Variants in SAMD11 observed in about 807,000 individuals in gnomAD.
SAMD11 encodes sterile alpha motif domain-containing protein 11.
In SAMD11, 77 loss-of-function variants were observed where a neutral mutation model predicts 64.4. That is an observed-to-expected ratio of 1.20 (90% CI 0.99 to 1.44). The LOEUF (loss-of-function observed/expected upper bound fraction) is 1.44. Ranked by LOEUF, SAMD11 falls within the 40% of genes most tolerant of loss-of-function variation. The pLI is 0.00. For synonymous variants in SAMD11, 658 were observed against 421.9 expected (o/e 1.56, Z -6.86); for missense variants, 1,402 against 943.3 (o/e 1.49, Z -6.37).
Position 942,171 on chromosome 1 carries a change from A to G in SAMD11, c.1394A>G (p.Gln465Arg). ...CAGCCGCCCCCCTTGCTGTCGCCGC[A>G]GAATGCCCCTCACGTCGCCCTGGGC... ...LPQPPPLLSP[Q>R]NAPHVALGPH... The change falls in exon 9 of 14, where the codon CAG becomes CGG. Residue 465 changes from glutamine (Q) to arginine (R), a missense_variant. Transcript: ENST00000616016. 7.0e-7 allele frequency: 1 copy of G among 1,436,424 alleles called. No individual in the cohort carries two copies. The highest frequency in any genetic ancestry group is 1.4e-5 in the South Asian group (1 of 70,378). 89.0% of individuals were successfully genotyped at this position (1,436,424 alleles called of 1,614,324 possible).
chr1:940,011 T>G (rs888292666), intron 7 of SAMD11, among the ~76,000 whole-genome samples: 4 of 152,052 alleles, frequency 2.6e-5, no homozygotes, highest in Non-Finnish European at 5.9e-5. Context: ...CCCTGCCCGC[T>G]GCACTCAGCC....
In SAMD11 at chr1:943,904, G is replaced by C; in HGVS notation, c.2290-4G>C. 1 of 1,612,886 alleles carries C rather than the reference G, an allele frequency of 6.2e-7. No homozygotes were observed. Among genetic ancestry groups the C allele is most frequent in the East Asian group, 2.2e-5 (1 of 44,872 alleles). On this transcript the variant is annotated splice_polypyrimidine_tract_variant and splice_region_variant and intron_variant, in intron 13 of 13. Transcript: ENST00000616016. ...ACAGCCCCCACCAGGCCATCTCTCTGCAGGTGGCCAGGCGCCTGGGCCGAG... is the reference window on the plus strand; with the variant it reads ...ACAGCCCCCACCAGGCCATCTCTCTCCAGGTGGCCAGGCGCCTGGGCCGAG...
intron 2 of SAMD11, among the ~76,000 whole-genome samples, chr1:926,467 T>A (rs1256190594): frequency 6.6e-6 from 1 of 152,184 alleles, no homozygotes; most frequent in East Asian, 1.9e-4. Context: ...GTGACTTGTG[T>A]CTCTGGGTGC....
At position 929,962 on chromosome 1, in the gene SAMD11, C is replaced by T. The variant is rs557254929; in HGVS notation, c.610-193C>T. Among the ~76,000 whole-genome samples the T allele has an allele frequency of 2.4e-3, 358 of 152,286 alleles. 2 individuals carry two copies. The highest frequency in any genetic ancestry group is 8.2e-3 in the African/African-American group (339 of 41,558). On this transcript the variant is annotated intron_variant, in intron 2 of 13. Coordinates refer to ENST00000616016, the MANE Select transcript of SAMD11 (RefSeq NM_001385641.1). ...AGCTGTGGCTCCTGCTGGCCCCAGG[C>T]GCATCCCAGAGGCAGGTAGAGGGAG...
intron 1 of SAMD11, chr1:925,702 G>C (rs545783903): frequency 4.6e-5 from 23 of 502,688 alleles, no homozygotes; most frequent in African/African-American, 3.7e-4. Flanking sequence ...CCCTTCGTCG[G>C]GGGAGGGCGC....
intron 4 of SAMD11, among the ~76,000 whole-genome samples, chr1:932,929 G>T (rs1234272096): frequency 6.6e-6 from 1 of 152,246 alleles, no homozygotes; most frequent in Non-Finnish European, 1.5e-5. Flanking sequence ...ATGGGCAAGG[G>T]CTAGGCCGTG....
intron 2 of SAMD11, among the ~76,000 whole-genome samples, chr1:929,650 C>CCACCAG (rs777708002): frequency 2.9e-4 from 44 of 152,214 alleles, no homozygotes; most frequent in Admixed American, 6.5e-4. Context: ...GAGTGCACGT[C>CCACCAG]CACCAGCACC....
intron 5 of SAMD11, among the ~76,000 whole-genome samples, chr1:936,809 T>G (rs145648887): frequency 6.6e-6 from 1 of 152,128 alleles, no homozygotes; most frequent in Non-Finnish European, 1.5e-5. Context: ...TGGAGACAGC[T>G]GAGAGGCGGT....
intron 4 of SAMD11, among the ~76,000 whole-genome samples, chr1:932,033 C>T (rs576550858): frequency 1.7e-4 from 26 of 152,348 alleles, no homozygotes; most frequent in South Asian, 1.0e-3. Flanking sequence ...CGTGTCTTGG[C>T]TCCACGCCAG....
At chr1:941,555 A>C (rs529125737) in intron 8 of SAMD11, among the ~76,000 whole-genome samples, 2 of 152,058 alleles carry the variant, frequency 1.3e-5, no homozygotes, top group Non-Finnish European at 2.9e-5. Context: ...GGAGAGCTCC[A>C]AGTCTGGAAC....
chr1:942,011 C>A (rs1641801299), intron 8 of SAMD11, 125 bp from the exon 9 acceptor site: 2 of 410,312 alleles, frequency 4.9e-6, no homozygotes, highest in South Asian at 6.5e-5. Flanking sequence ...GACCTGGGGC[C>A]GTAACGAGCT....
chr1:941,897 C>T (rs896623709), intron 8 of SAMD11, among the ~76,000 whole-genome samples: 2 of 152,060 alleles, frequency 1.3e-5, no homozygotes, highest in Admixed American at 1.3e-4. Flanking sequence ...GGCCGGCGCC[C>T]CGCGCAGTAA....
At chr1:926,080 C>G in intron 2 of SAMD11, 67 bp downstream of exon 2, 1 of 1,473,372 alleles carries the variant, frequency 6.8e-7, no homozygotes, top group Non-Finnish European at 9.4e-7. Context: ...CTGCGGTTTT[C>G]AGGGTTTTCA....
intron 4 of SAMD11, among the ~76,000 whole-genome samples, chr1:934,020 T>TCC (rs1411935233): frequency 5.4e-5 from 7 of 129,090 alleles, no homozygotes; most frequent in African/African-American, 2.1e-4. Context: ...GGGAGGCGGC[T>TCC]GCGTTACAGG....
chr1:942,100 C>T lies in SAMD11; in HGVS notation c.1359-36C>T, dbSNP rs1464077238. The stretch of plus-strand genomic sequence containing the variant: ...GCCGGGGCCTTTACGGGAACGGGGG[C>T]GGGGGGGACGCCGCTCATTGCGCTG... On this transcript the variant is annotated intron_variant, in intron 8 of 13. Transcript: ENST00000616016. 1.5e-5 allele frequency: 9 copies of T among 605,994 alleles called. 1 individual carries two copies. The highest frequency in any genetic ancestry group is 5.1e-5 in the South Asian group (2 of 39,542). The allele number at this position is 605,994 out of a possible 1,614,324, so 37.5% of individuals were successfully genotyped here.
intron 2 of SAMD11, among the ~76,000 whole-genome samples, chr1:927,121 C>T (rs1640932771): frequency 2.0e-5 from 3 of 152,310 alleles, no homozygotes; most frequent in African/African-American, 7.2e-5. Flanking sequence ...ACCTGACACA[C>T]AATCCGACAT....
In SAMD11 at chr1:926,922, G is replaced by A. The variant is rs142621964; in HGVS notation, c.609+909G>A. Among the ~76,000 whole-genome samples the A allele has an allele frequency of 2.2e-3, 341 of 152,242 alleles. 1 individual carries two copies. The highest frequency in any genetic ancestry group is 7.7e-3 in the African/African-American group (320 of 41,542). On this transcript the variant is annotated intron_variant, in intron 2 of 13. Transcript: ENST00000616016. ...CAAAATGGGCCTGAGGGTCCCGGGC[G>A]TACCTCCGCTTGCCTGCTTTGGGCC...
intron 1 of SAMD11, chr1:925,710 C>T: frequency 2.0e-6 from 1 of 508,842 alleles, no homozygotes; most frequent in Non-Finnish European, 3.6e-6. Flanking sequence ...CGGGGGAGGG[C>T]GCTCCACCCG....
intron 11 of SAMD11, 71 bp from the exon 12 acceptor site, chr1:943,182 A>G (rs1569919508): frequency 6.2e-7 from 1 of 1,605,606 alleles, no homozygotes; most frequent in Non-Finnish European, 8.5e-7. Context: ...CAATTGGGGC[A>G]CACGACGGTC....
Sources: allele counts gnomAD v4.1 joint callset (sites outside exome capture counted in the v4.1 genomes callset), GRCh38; gene constraint gnomAD v4.1.1; transcripts MANE v1.5; gene names NCBI Gene and HGNC (gene_info 2026-07-23, HGNC 2026-07-21).